Variants in PAPSS1 observed in about 807,000 individuals in gnomAD.
PAPSS1 encodes the protein 3'-phosphoadenosine 5'-phosphosulfate synthase 1.
PAPSS1 carries 50 observed loss-of-function variants against 72.0 expected under a neutral mutation model. The observed-to-expected ratio is 0.69, with a 90% CI of 0.55 to 0.88. The LOEUF (loss-of-function observed/expected upper bound fraction) is 0.88. Among genes scored for constraint, PAPSS1 ranks in the 40% least tolerant of loss-of-function variants. The pLI, the probability that PAPSS1 is intolerant of heterozygous loss-of-function variation, is 0.00. For missense variants in PAPSS1, 657 were observed against 782.2 expected, an observed-to-expected ratio of 0.84 and a Z score of 1.91; for synonymous variants, 261 against 263.6, an observed-to-expected ratio of 0.99 and a Z score of 0.09.
intron 2 of PAPSS1, among the ~76,000 whole-genome samples, chr4:107,698,629 T>C (rs547979226): frequency 4.5e-4 from 68 of 152,204 alleles, no homozygotes; most frequent in Admixed American, 2.8e-3. Flanking sequence ...GGAAAAGTAC[T>C]GTGGGAACCA....
intron 6 of PAPSS1, among the ~76,000 whole-genome samples, chr4:107,657,401 T>C (rs1578402786): frequency 6.6e-6 from 1 of 152,126 alleles, no homozygotes; most frequent in Non-Finnish European, 1.5e-5. Context: ...TCTAATACTT[T>C]GATAACCACT....
intron 5 of PAPSS1, among the ~76,000 whole-genome samples, chr4:107,664,245 T>C (rs1039328145): frequency 2.0e-5 from 3 of 152,164 alleles, no homozygotes; most frequent in African/African-American, 7.2e-5. Context: ...GAAATGTATA[T>C]TATTGTAAGG....
intron 1 of PAPSS1, among the ~76,000 whole-genome samples, chr4:107,702,793 T>C (rs776150660): frequency 6.6e-6 from 1 of 152,180 alleles, no homozygotes; most frequent in Non-Finnish European, 1.5e-5. Context: ...CTATGGTAAA[T>C]AGTGCTGCAA....
chr4:107,675,421 A>G (rs1158177741), intron 5 of PAPSS1, among the ~76,000 whole-genome samples: 3 of 152,216 alleles, frequency 2.0e-5, no homozygotes, highest in African/African-American at 7.2e-5. Context: ...ACACAAATAA[A>G]CTAGAAAATC....
chr4:107,714,794 G>C (rs1290763831), intron 1 of PAPSS1, among the ~76,000 whole-genome samples: 1 of 152,142 alleles, frequency 6.6e-6, no homozygotes, highest in Non-Finnish European at 1.5e-5. Context: ...CACTGGCATA[G>C]AGAACTACTC....
chr4:107,662,452 T>G (rs1413826498), intron 5 of PAPSS1, among the ~76,000 whole-genome samples: 3 of 152,160 alleles, frequency 2.0e-5, no homozygotes, highest in African/African-American at 7.2e-5. Context: ...GCTTCTATGT[T>G]CTCTCTGTAG....
chr4:107,654,866 C>A lies in PAPSS1; in HGVS notation c.930G>T (p.Leu310=). ...GVINLSVPIV[L]TATHEDKERL... ...TCTCTTTATCTTCATGAGTCGCAGT[C>A]AGAACTATAGGTACTGACAAGTTAA... The change falls in exon 8 of 12, where the codon CTG becomes CTT. Residue 310 remains leucine (L), a synonymous_variant. Coordinates refer to ENST00000265174, the MANE Select transcript of PAPSS1 (RefSeq NM_005443.5). 6.2e-7 allele frequency: 1 copy of A among 1,613,978 alleles called. No individual in the cohort carries two copies. Among genetic ancestry groups the A allele is most frequent in the South Asian group, 1.1e-5 (1 of 91,058 alleles).
At chr4:107,711,844 A>T (rs1360123054) in intron 1 of PAPSS1, among the ~76,000 whole-genome samples, 2 of 152,248 alleles carry the variant, frequency 1.3e-5, no homozygotes, top group Admixed American at 1.3e-4. Flanking sequence ...TAAGTCAATG[A>T]TAAAAAGCAA....
intron 1 of PAPSS1, among the ~76,000 whole-genome samples, chr4:107,707,059 T>A (rs961916573): frequency 6.6e-6 from 1 of 152,162 alleles, no homozygotes; most frequent in Non-Finnish European, 1.5e-5. Context: ...CCTGGGTCAA[T>A]GGGAGCTGGT....
At chr4:107,684,728 GCTTT>G (rs1193616362) in intron 4 of PAPSS1, among the ~76,000 whole-genome samples, 1 of 152,048 alleles carries the variant, frequency 6.6e-6, no homozygotes, top group Non-Finnish European at 1.5e-5. Flanking sequence ...GCACCACCTG[GCTTT>G]GAGTTGTCCC....
intron 6 of PAPSS1, among the ~76,000 whole-genome samples, chr4:107,658,237 C>G (rs2057690): frequency 7.7e-6 from 1 of 129,224 alleles, no homozygotes; most frequent in Non-Finnish European, 1.6e-5. Context: ...GTACTGTATT[C>G]TAAAAAAAAA....
chr4:107,620,281 A>T (rs796112311), intron 11 of PAPSS1, among the ~76,000 whole-genome samples: 39 of 152,362 alleles, frequency 2.6e-4, no homozygotes, highest in African/African-American at 9.4e-4. Context: ...AGCGGGTTAC[A>T]TCAAACATAG....
chr4:107,672,790 G>C (rs901914892), intron 5 of PAPSS1, among the ~76,000 whole-genome samples: 2 of 152,200 alleles, frequency 1.3e-5, no homozygotes, highest in Admixed American at 6.5e-5. Flanking sequence ...TGACCCCCAA[G>C]CCTAACTGGG....
chr4:107,695,003 A>G (rs1295121871), intron 2 of PAPSS1, among the ~76,000 whole-genome samples: 3 of 152,112 alleles, frequency 2.0e-5, no homozygotes, highest in Non-Finnish European at 4.4e-5. Flanking sequence ...TGAAATTTAA[A>G]GTAGTTTTTT....
intron 11 of PAPSS1, among the ~76,000 whole-genome samples, chr4:107,615,862 C>T (rs1256728309): frequency 6.6e-6 from 1 of 152,162 alleles, no homozygotes; most frequent in Non-Finnish European, 1.5e-5. Context: ...ACAGGAGATT[C>T]TTGCTCTTTC....
chr4:107,664,014 G>A (rs1001098454), intron 5 of PAPSS1, among the ~76,000 whole-genome samples: 1 of 152,186 alleles, frequency 6.6e-6, no homozygotes, highest in African/African-American at 2.4e-5. Context: ...TTTCAGTTGA[G>A]CCTAAATAGT....
At chr4:107,673,081 C>T (rs1727535555) in intron 5 of PAPSS1, among the ~76,000 whole-genome samples, 1 of 152,046 alleles carries the variant, frequency 6.6e-6, no homozygotes, top group South Asian at 2.1e-4. Flanking sequence ...CATCAAAGAC[C>T]AAAGGTAGAT....
At chr4:107,712,850 C>T (rs565420433) in intron 1 of PAPSS1, among the ~76,000 whole-genome samples, 6 of 143,716 alleles carry the variant, frequency 4.2e-5, no homozygotes, top group South Asian at 2.3e-4. Context: ...TCCAGCCAGG[C>T]GACAGAGCGA....
At chr4:107,690,651 A>T (rs1348384673) in intron 3 of PAPSS1, among the ~76,000 whole-genome samples, 1 of 152,190 alleles carries the variant, frequency 6.6e-6, no homozygotes, top group African/African-American at 2.4e-5. Flanking sequence ...TGAATGAACA[A>T]ATATAATCAT....
Sources: gnomAD v4.1 joint callset for allele counts (sites outside exome capture counted in the v4.1 genomes callset) on GRCh38, gnomAD v4.1.1 for gene constraint, MANE v1.5 for transcripts, NCBI Gene and HGNC (gene_info 2026-07-23, HGNC 2026-07-21) for gene names.